ZNF510: variants seen among roughly 807,000 people sequenced by gnomAD.
ZNF510 encodes the protein zinc finger protein 510.
In ZNF510, 15 loss-of-function variants were observed where a neutral mutation model predicts 18.1. That is an observed-to-expected ratio of 0.83 (90% confidence interval 0.55 to 1.28). The LOEUF is 1.28. Ranked by LOEUF, ZNF510 falls within the 50% of genes most tolerant of loss-of-function variation. The pLI, the probability that ZNF510 is intolerant of heterozygous loss-of-function variation, is 0.00. For missense variants in ZNF510, 724 were observed against 791.8 expected, an observed-to-expected ratio of 0.91 and a Z score of 1.03; for synonymous variants, 261 against 266.4, an observed-to-expected ratio of 0.98 and a Z score of 0.20.
chr9:96,770,668 T>C (rs916607127), intron 3 of ZNF510, among the ~76,000 whole-genome samples: 11 of 152,020 alleles, frequency 7.2e-5, no homozygotes, highest in East Asian at 3.9e-4. Flanking sequence ...ACTTCACTTA[T>C]TAGAAATGTC....
In ZNF510 at chr9:96,757,311, T is replaced by C. The variant is rs890824433; in HGVS notation, c.*1467A>G. Reference sequence around the variant, plus strand: ...TACCTCTGTGCAATTAAGGCACACTTACGTTGAACTGCACAGTGGCTGCTC... The same window carrying C: ...TACCTCTGTGCAATTAAGGCACACTCACGTTGAACTGCACAGTGGCTGCTC... On this transcript the variant is annotated 3_prime_UTR_variant, in exon 6 of 6. Coordinates refer to ENST00000223428, the MANE Select transcript of ZNF510 (RefSeq NM_014930.3). The C allele has an allele frequency of 6.6e-6, 1 of 152,204 alleles. No homozygotes were observed. Among genetic ancestry groups the C allele is most frequent in the African/African-American group, 2.4e-5 (1 of 41,456 alleles). 9.4% of individuals were successfully genotyped at this position (152,204 alleles called of 1,614,324 possible). A position where few individuals can be genotyped will look rare whatever the true frequency, so the allele number is the denominator to read the frequency against.
chr9:96,756,171 A>G lies in ZNF510; in HGVS notation c.*2607T>C, dbSNP rs1849188697. ...TTTTTAATCTGTAATTTCCAATTAG[A>G]ATATCAAATATCTAGGCCACATCCA... is the stretch of plus-strand genomic sequence containing the variant. On this transcript the variant is annotated 3_prime_UTR_variant, in exon 6 of 6. Coordinates refer to ENST00000223428, the MANE Select transcript of ZNF510 (RefSeq NM_014930.3). 6.6e-6 allele frequency: 1 copy of G among 152,238 alleles called. No individual in the cohort carries two copies. Among genetic ancestry groups the G allele is most frequent in the Admixed American group, 6.5e-5 (1 of 15,286 alleles). 9.4% of individuals were successfully genotyped at this position (152,238 alleles called of 1,614,324 possible).
intron 1 of ZNF510, among the ~76,000 whole-genome samples, chr9:96,777,056 A>G (rs1195315810): frequency 6.6e-6 from 1 of 152,192 alleles, no homozygotes; most frequent in Admixed American, 6.5e-5. Flanking sequence ...TGTAGCTACT[A>G]GTTTAACATT....
chr9:96,760,240 G>A lies in ZNF510; in HGVS notation c.590C>T (p.Ser197Leu). Reference protein sequence around the residue: ...SEFIINNRNYSTKKIGCGNVC... With the variant: ...SEFIINNRNYLTKKIGCGNVC... ...ATTACCGCAACCTATTTTCTTTGTT[G>A]AATAGTTTCTATTATTAATGATAAA... The change falls in exon 6 of 6, where the codon TCA (serine) becomes TTA (leucine). Residue 197 changes from serine to leucine, a missense_variant. Physicochemically the swap from Ser to Leu is moderately radical, Grantham distance 145. Coordinates refer to ENST00000223428, the MANE Select transcript of ZNF510 (RefSeq NM_014930.3). 6.2e-7 allele frequency: 1 copy of A among 1,612,700 alleles called. No individual in the cohort carries two copies. Among genetic ancestry groups the A allele is most frequent in the Non-Finnish European group, 8.5e-7 (1 of 1,179,484 alleles).
intron 3 of ZNF510, 116 bp downstream of exon 3, chr9:96,774,672 G>T: frequency 1.0e-6 from 1 of 960,178 alleles, no homozygotes; most frequent in Non-Finnish European, 1.6e-6. Context: ...CTACTGCCCT[G>T]CTTTTCTATA....
chr9:96,766,626 TG>T (rs1382490843), intron 3 of ZNF510, among the ~76,000 whole-genome samples: 1 of 150,970 alleles, frequency 6.6e-6, no homozygotes, highest in African/African-American at 2.5e-5. Context: ...CATAACTCTC[TG>T]GTTTCCTTTG....
At chr9:96,774,892 TTACCTGCC>T in intron 2 of ZNF510, 46 bp from the exon 3 acceptor site, 1 of 1,540,238 alleles carries the variant, frequency 6.5e-7, no homozygotes, top group Non-Finnish European at 9.0e-7. Flanking sequence ...AGCCTCCATC[TTACCTGCC>T]TACCAATGTC....
rs140894194 is a variant in ZNF510 at position 96,765,582 on chromosome 9, G to A, written c.130-1950C>T. ...GGCTGGAGTGCAGTGATGTGATCTC[G>A]GCTCACTGCAACCCCCGCCTCCCAG... is the stretch of plus-strand genomic sequence containing the variant. On this transcript the variant is annotated intron_variant, in intron 3 of 5. Transcript: ENST00000223428. Among the ~76,000 whole-genome samples, 996 of 151,104 alleles carry A rather than the reference G, an allele frequency of 6.6e-3. 9 individuals carry two copies. Among genetic ancestry groups the A allele is most frequent in the Non-Finnish European group, 0.011 (759 of 67,816 alleles).
intron 3 of ZNF510, among the ~76,000 whole-genome samples, chr9:96,771,167 T>C (rs1414676157): frequency 1.3e-5 from 2 of 152,142 alleles, no homozygotes; most frequent in East Asian, 3.8e-4. Flanking sequence ...AAACGTGACA[T>C]GACATGACAG....
Position 96,758,648 on chromosome 9 carries a change from T to G in ZNF510, c.*130A>C. 5.4e-6 allele frequency: 5 copies of G among 920,244 alleles called. No homozygotes were observed. Among genetic ancestry groups the G allele is most frequent in the Non-Finnish European group, 7.9e-6 (5 of 630,792 alleles). The allele number at this position is 920,244 out of a possible 1,614,324, so 57.0% of individuals were successfully genotyped here. A position where few individuals can be genotyped will look rare whatever the true frequency, so the allele number is the denominator to read the frequency against. On this transcript the variant is annotated 3_prime_UTR_variant, in exon 6 of 6. Coordinates refer to ENST00000223428, the MANE Select transcript of ZNF510 (RefSeq NM_014930.3). ...CATCTGGTTTCTTTCCTATGTGAAT[T>G]CTCTGATTCACAGTGAGGGTTTACT...
chr9:96,776,025 G>A lies in ZNF510; in HGVS notation c.45C>T (p.Asn15=). ...CACCTTCTGCAAGTTGGCCCACAGTGTTCAGTGTCACACAATCTGTGATGG... is the reference window on the plus strand; with the variant it reads ...CACCTTCTGCAAGTTGGCCCACAGTATTCAGTGTCACACAATCTGTGATGG... The part of the protein sequence containing the change: ...PEAITDCVTL[N]TVGQLAEGGY... The change falls in exon 2 of 6, where the codon AAC becomes AAT. Residue 15 remains asparagine, a synonymous_variant. Coordinates refer to ENST00000223428, the MANE Select transcript of ZNF510 (RefSeq NM_014930.3). 1 of 1,609,430 alleles carries A rather than the reference G, an allele frequency of 6.2e-7. No individual in the cohort carries two copies. The highest frequency in any genetic ancestry group is 8.5e-7 in the Non-Finnish European group (1 of 1,177,876).
chr9:96,766,674 T>C (rs1228351274), intron 3 of ZNF510, among the ~76,000 whole-genome samples: 1 of 152,048 alleles, frequency 6.6e-6, no homozygotes, highest in South Asian at 2.1e-4. Flanking sequence ...CTCACTAAAT[T>C]ACAAAAAATT....
intron 5 of ZNF510, among the ~76,000 whole-genome samples, chr9:96,760,986 T>TA (rs1419490510): frequency 3.3e-5 from 5 of 151,900 alleles, no homozygotes; most frequent in Admixed American, 2.0e-4. Flanking sequence ...TCTACATTCT[T>TA]ACAATTTGAT....
intron 3 of ZNF510, among the ~76,000 whole-genome samples, chr9:96,770,143 C>T (rs1849555547): frequency 6.6e-6 from 1 of 152,012 alleles, no homozygotes; most frequent in South Asian, 2.1e-4. Flanking sequence ...TCATAACAGT[C>T]AAAAGGGAGA....
Position 96,758,817 on chromosome 9 carries a change from G to A in ZNF510, c.2013C>T (p.Ser671=). 1.9e-6 allele frequency: 3 copies of A among 1,608,892 alleles called. No individual in the cohort carries two copies. Among genetic ancestry groups the A allele is most frequent in the Non-Finnish European group, 2.5e-6 (3 of 1,177,000 alleles). The change falls in exon 6 of 6, where the codon AGC becomes AGT. Residue 671 remains serine, a synonymous_variant. Coordinates refer to ENST00000223428, the MANE Select transcript of ZNF510 (RefSeq NM_014930.3). ...YGKLCKKSTL[S]LYQKIQGEGN... ...CCTCTCCCTGAATTTTCTGGTATAA[G>A]CTTAGGGTAGACTTCTTACATAATT...
intron 1 of ZNF510, 64 bp downstream of exon 1, chr9:96,777,970 C>T (rs1849742534): frequency 6.6e-6 from 1 of 152,308 alleles, no homozygotes; most frequent in Non-Finnish European, 1.5e-5. Flanking sequence ...CGTTCCCGCC[C>T]CCTGGACACT....
chr9:96,776,259 A>T lies in ZNF510; in HGVS notation c.-176-14T>A. 1 of 1,155,234 alleles carries T rather than the reference A, an allele frequency of 8.7e-7. No individual in the cohort carries two copies. The highest frequency in any genetic ancestry group is 1.2e-6 in the Non-Finnish European group (1 of 868,620). The allele number at this position is 1,155,234 out of a possible 1,614,324, so 71.6% of individuals were successfully genotyped here. ...GCTCCCTCCTTCCTGCAACATAAAGAGCTGCTTTGCTCCAGAGAAGCTGGG... is the reference window on the plus strand; with the variant it reads ...GCTCCCTCCTTCCTGCAACATAAAGTGCTGCTTTGCTCCAGAGAAGCTGGG... On this transcript the variant is annotated splice_polypyrimidine_tract_variant and intron_variant, in intron 1 of 5. Coordinates refer to ENST00000223428, the MANE Select transcript of ZNF510 (RefSeq NM_014930.3).
At chr9:96,766,565 A>AAGAC in intron 3 of ZNF510, among the ~76,000 whole-genome samples, 1 of 151,256 alleles carries the variant, frequency 6.6e-6, no homozygotes, top group African/African-American at 2.5e-5. Context: ...GAAGATTGAA[A>AAGAC]AGACATAATT....
intron 3 of ZNF510, among the ~76,000 whole-genome samples, chr9:96,770,678 C>A (rs1370442079): frequency 1.3e-5 from 2 of 151,830 alleles, no homozygotes; most frequent in African/African-American, 2.4e-5. Flanking sequence ...TTAGAAATGT[C>A]CAGAATAGCC....
Sources: allele counts gnomAD v4.1 joint callset (sites outside exome capture counted in the v4.1 genomes callset), GRCh38; gene constraint gnomAD v4.1.1; transcripts MANE v1.5; gene names NCBI Gene and HGNC (gene_info 2026-07-23, HGNC 2026-07-21).